LIMS1: variants seen among roughly 807,000 people sequenced by gnomAD.
LIMS1 encodes the protein LIM and senescent cell antigen-like-containing domain protein 1.
In LIMS1, 18 loss-of-function variants were observed where a neutral mutation model predicts 44.1. The ratio of observed to expected loss-of-function variants is 0.41; its 90% CI spans 0.28 to 0.61. LIMS1 has a LOEUF of 0.61. LIMS1 is among the 20% of genes least tolerant of loss of function. The pLI is 0.32. For missense variants in LIMS1, 201 were observed against 422.0 expected (o/e 0.48, Z 4.59); for synonymous variants, 93 against 149.1 (o/e 0.62, Z 2.74).
intron 1 of LIMS1, among the ~76,000 whole-genome samples, chr2:108,614,320 GTC>G (rs902281099): frequency 4.6e-5 from 7 of 152,148 alleles, no homozygotes; most frequent in African/African-American, 1.4e-4. Context: ...TAGGCTTCCA[GTC>G]TCTGCCAACC....
At chr2:108,552,623 CAG>C (rs1020838800) in intron 1 of LIMS1, among the ~76,000 whole-genome samples, 3 of 112,446 alleles carry the variant, frequency 2.7e-5, no homozygotes, top group Non-Finnish European at 5.7e-5. Flanking sequence ...TTTTTGGAGA[CAG>C]GGTGTTGCTC....
chr2:108,573,116 G>C (rs1003931981), intron 1 of LIMS1, among the ~76,000 whole-genome samples: 1 of 152,178 alleles, frequency 6.6e-6, no homozygotes, highest in Non-Finnish European at 1.5e-5. Flanking sequence ...TCATATGAAT[G>C]CAAGTCCCAG....
intron 1 of LIMS1, among the ~76,000 whole-genome samples, chr2:108,582,990 A>C (rs997666296): frequency 1.3e-5 from 2 of 151,998 alleles, no homozygotes; most frequent in Admixed American, 1.3e-4. Context: ...CAAATCCTTT[A>C]AGACAATGGT....
At chr2:108,587,144 A>G (rs1170240986) in intron 1 of LIMS1, among the ~76,000 whole-genome samples, 1 of 151,790 alleles carries the variant, frequency 6.6e-6, no homozygotes, top group African/African-American at 2.4e-5. Flanking sequence ...GTGCTTTTCC[A>G]CTCTTTCAAG....
At chr2:108,539,178 G>A (rs1403439936) in intron 1 of LIMS1, among the ~76,000 whole-genome samples, 2 of 152,106 alleles carry the variant, frequency 1.3e-5, no homozygotes, top group African/African-American at 4.8e-5. Context: ...CAACCTCCTG[G>A]GGTCAGGTGA....
rs187727333 is a variant in LIMS1, at chr2:108,551,752, C to G, written c.32+17158C>G. On this transcript the variant is annotated intron_variant, in intron 1 of 9. Transcript: ENST00000544547. ...ATGTATATGATATACAATATACATA[C>G]ATACCTATGTATATTGTATATCATA... is the stretch of plus-strand genomic sequence containing the variant. 4.5e-3 allele frequency among the ~76,000 whole-genome samples: 652 copies of G among 144,076 alleles called. 4 individuals carry two copies. The highest frequency in any genetic ancestry group is 0.014 in the South Asian group (65 of 4,670). The allele number at this position is 144,076 out of a possible 152,430, so 94.5% of individuals were successfully genotyped here. A position where few individuals can be genotyped will look rare whatever the true frequency, so the allele number is the denominator to read the frequency against.
chr2:108,661,407 G>A (rs1691360169), intron 2 of LIMS1, among the ~76,000 whole-genome samples: 2 of 148,568 alleles, frequency 1.3e-5, no homozygotes, highest in Non-Finnish European at 3.0e-5. Context: ...AGTTCTTCCT[G>A]TTCTTCCTGA....
intron 1 of LIMS1, among the ~76,000 whole-genome samples, chr2:108,546,675 G>A (rs1040811241): frequency 9.8e-6 from 1 of 101,668 alleles, no homozygotes; most frequent in Non-Finnish European, 2.0e-5. Context: ...TAATTTGAGT[G>A]ATCTTTTTTT....
At chr2:108,620,415 T>C (rs1362608048) in intron 1 of LIMS1, among the ~76,000 whole-genome samples, 3 of 152,170 alleles carry the variant, frequency 2.0e-5, no homozygotes, top group African/African-American at 7.2e-5. Context: ...TGGTCCTGTG[T>C]TCCCAGTGGG....
chr2:108,561,618 G>T (rs1199406205), intron 1 of LIMS1, among the ~76,000 whole-genome samples: 1 of 152,052 alleles, frequency 6.6e-6, no homozygotes, highest in Non-Finnish European at 1.5e-5. Flanking sequence ...GTCTGTTGGT[G>T]CCATTTTTCC....
intron 1 of LIMS1, among the ~76,000 whole-genome samples, chr2:108,569,764 C>CTTTTTTT (rs10596766): frequency 3.5e-4 from 40 of 113,104 alleles, no homozygotes; most frequent in African/African-American, 1.0e-3. Flanking sequence ...CCATATCTGG[C>CTTTTTTT]TTTTTTTTTT....
chr2:108,661,447 G>T (rs539202372), intron 2 of LIMS1, among the ~76,000 whole-genome samples: 1 of 151,882 alleles, frequency 6.6e-6, no homozygotes, highest in East Asian at 1.9e-4. Flanking sequence ...GAATCTTTTG[G>T]GCAAGGATGA....
At chr2:108,607,349 A>T in intron 1 of LIMS1, 1 of 1,189,976 alleles carries the variant, frequency 8.4e-7, no homozygotes, top group Non-Finnish European at 1.2e-6. Flanking sequence ...TATCTTCATC[A>T]CATAAATAGT....
intron 3 of LIMS1, among the ~76,000 whole-genome samples, chr2:108,672,058 T>G (rs1449110387): frequency 1.3e-5 from 2 of 151,390 alleles, no homozygotes; most frequent in African/African-American, 4.9e-5. Context: ...TCCCAGCTAC[T>G]TGGGAGGCTG....
At chr2:108,566,404 A>C (rs1369904977) in intron 1 of LIMS1, among the ~76,000 whole-genome samples, 3 of 152,118 alleles carry the variant, frequency 2.0e-5, no homozygotes, top group Non-Finnish European at 4.4e-5. Flanking sequence ...GATCACTTTT[A>C]AGATATATAT....
exon 10 of LIMS1, chr2:108,685,685 T>G (rs1355895954): frequency 6.6e-6 from 1 of 152,190 alleles, no homozygotes; most frequent in Admixed American, 6.5e-5. Flanking sequence ...GTTGAGTAGT[T>G]TAAAACAATC....
chr2:108,546,676 A>AT (rs1491149600), intron 1 of LIMS1, among the ~76,000 whole-genome samples: 47 of 93,134 alleles, frequency 5.0e-4, no homozygotes, highest in African/African-American at 1.6e-3. Context: ...AATTTGAGTG[A>AT]TCTTTTTTTT....
intron 1 of LIMS1, among the ~76,000 whole-genome samples, chr2:108,635,429 T>TAAAAAAAAAAAAAAA (rs70956264): frequency 4.6e-5 from 4 of 86,722 alleles, no homozygotes; most frequent in African/African-American, 2.0e-4. Context: ...ACTTCATCTC[T>TAAAAAAAAAAAAAAA]AAAAAAAAAA....
At chr2:108,539,028 T>A (rs1684230437) in intron 1 of LIMS1, among the ~76,000 whole-genome samples, 1 of 152,188 alleles carries the variant, frequency 6.6e-6, no homozygotes, top group Admixed American at 6.5e-5. Context: ...AGTGGTTATT[T>A]GGGTTCTATT....
Sources: gnomAD v4.1 joint callset for allele counts (sites outside exome capture counted in the v4.1 genomes callset) on GRCh38, gnomAD v4.1.1 for gene constraint, MANE v1.5 for transcripts, NCBI Gene and HGNC (gene_info 2026-07-23, HGNC 2026-07-21) for gene names.